The following SLC28A1 variants were observed in gnomAD, a reference collection of about 807,000 sequenced individuals.
The protein encoded by SLC28A1 is sodium/nucleoside cotransporter 1.
A neutral mutation model predicts 74.8 loss-of-function variants in SLC28A1; 64 were observed. That is an observed-to-expected ratio of 0.86 (90% CI 0.70 to 1.05). SLC28A1 has a LOEUF of 1.05. Among genes scored for constraint, SLC28A1 ranks in the 50% least tolerant of loss-of-function variants. SLC28A1 has a pLI of 0.00. For synonymous variants in SLC28A1, 359 were observed against 335.0 expected (o/e 1.07, Z -0.78); for missense variants, 828 against 822.8 (o/e 1.01, Z -0.08).
At position 84,921,007 on chromosome 15, in the gene SLC28A1, G is replaced by T; in HGVS notation, c.895G>T (p.Val299Phe). 6.2e-7 allele frequency: 1 copy of T among 1,614,014 alleles called. No homozygotes were observed. Among genetic ancestry groups the T allele is most frequent in the Non-Finnish European group, 8.5e-7 (1 of 1,179,896 alleles). The change falls in exon 11 of 19, where the codon GTC becomes TTC. Residue 299 changes from valine (V) to phenylalanine (F), a missense_variant. Val to Phe is a conservative substitution (Grantham distance 50). This residue lies in a region of SLC28A1 where 767 missense variants were observed against 753.5 expected (regional missense o/e 1.02). Coordinates refer to ENST00000394573, the MANE Select transcript of SLC28A1 (RefSeq NM_004213.5). ...VILKIAWLMQ[V>F]TMGTTATETL... ...CTTCTAGATTGCCTGGCTGATGCAA[G>T]TCACCATGGGCACCACAGCCACTGA...
chr15:84,944,828 G>T lies in SLC28A1; in HGVS notation c.1835G>T (p.Ser612Ile), dbSNP rs1266232776. The T allele has an allele frequency of 1.2e-6, 2 of 1,613,998 alleles. No individual in the cohort carries two copies. The highest frequency in any genetic ancestry group is 2.2e-5 in the East Asian group (1 of 44,898). Residue 612 changes from serine to isoleucine, a missense_variant, in exon 18 of 19, where the codon AGC becomes ATC. By Grantham distance (142) the Ser-to-Ile change is moderately radical. Coordinates refer to ENST00000394573, the MANE Select transcript of SLC28A1 (RefSeq NM_004213.5). ...SLLNTTLSSS[S>I]FEIYQCCREA... ...TTGAACACGACCCTCAGCAGCAGTA[G>T]CTTTGAGATTTACCAGTGCTGCCGT...
chr15:84,889,736 C>G (rs1440029212), intron 4 of SLC28A1, among the ~76,000 whole-genome samples: 1 of 81,634 alleles, frequency 1.2e-5, no homozygotes, highest in Non-Finnish European at 2.5e-5. Flanking sequence ...TTCCTTCCTT[C>G]CTTCCTTCCT....
the SLC28A1 span, among the ~76,000 whole-genome samples, chr15:84,959,571 C>T: frequency 1.6e-3 from 247 of 150,684 alleles, no homozygotes; most frequent in Middle Eastern, 3.4e-3. Context: ...TGTTTGCTTT[C>T]TGAAAATTGT....
At chr15:84,907,726 A>T (rs1162126023) in intron 8 of SLC28A1, among the ~76,000 whole-genome samples, 2 of 152,176 alleles carry the variant, frequency 1.3e-5, no homozygotes, top group East Asian at 3.8e-4. Flanking sequence ...CATAGGTTAA[A>T]TATGTTAATC....
At chr15:84,950,020 T>C (rs2079363636), downstream of SLC28A1, among the ~76,000 whole-genome samples, 1 of 152,080 alleles carries the variant, frequency 6.6e-6, no homozygotes, top group African/African-American at 2.4e-5. Flanking sequence ...AGATATGGAA[T>C]GGTGGAATGG....
rs113737064 is a variant in SLC28A1 at position 84,924,065 on chromosome 15, C to T, written c.1038C>T (p.Tyr346=). The change falls in exon 12 of 19, where the codon TAC becomes TAT. Residue 346 remains tyrosine (Y), a synonymous_variant. Coordinates refer to ENST00000394573, the MANE Select transcript of SLC28A1 (RefSeq NM_004213.5). ...SEVHVVMTGG[Y]ATIAGSLLGA... ...TCCACGTTGTCATGACCGGAGGTTA[C>T]GCCACCATTGCTGGCAGCCTGCTGG... 3.1e-6 allele frequency: 5 copies of T among 1,613,854 alleles called. No individual in the cohort carries two copies. Among genetic ancestry groups the T allele is most frequent in the Admixed American group, 3.3e-5 (2 of 59,994 alleles).
At chr15:84,930,965 G>A (rs184053157) in intron 12 of SLC28A1, among the ~76,000 whole-genome samples, 1 of 152,170 alleles carries the variant, frequency 6.6e-6, no homozygotes, top group Non-Finnish European at 1.5e-5. Context: ...AGAGATGGGG[G>A]TTTCACTAAG....
At chr15:84,960,419 G>A in the SLC28A1 span, among the ~76,000 whole-genome samples, 3 of 151,730 alleles carry the variant, frequency 2.0e-5, no homozygotes, top group Non-Finnish European at 4.4e-5. Context: ...CACCATGCCC[G>A]GCTAATTTTT....
chr15:84,971,918 A>G, the SLC28A1 span, among the ~76,000 whole-genome samples: 1 of 152,224 alleles, frequency 6.6e-6, no homozygotes, highest in Non-Finnish European at 1.5e-5. Context: ...AAGTGCTGGG[A>G]TTACAGGCAT....
At chr15:84,967,901 A>C in the SLC28A1 span, among the ~76,000 whole-genome samples, 1 of 152,180 alleles carries the variant, frequency 6.6e-6, no homozygotes, top group African/African-American at 2.4e-5. Context: ...GGTTAGGGAC[A>C]GACGCACTAG....
the SLC28A1 span, among the ~76,000 whole-genome samples, chr15:84,963,773 G>A: frequency 3.3e-5 from 5 of 152,320 alleles, no homozygotes; most frequent in East Asian, 3.9e-4. Flanking sequence ...TTCAGGCAAA[G>A]TGCCAGCTCC....
chr15:84,949,444 G>A (rs1258172599), downstream of SLC28A1, among the ~76,000 whole-genome samples: 1 of 151,972 alleles, frequency 6.6e-6, no homozygotes, highest in East Asian at 1.9e-4. Context: ...GTGCAGTAGT[G>A]CAAAAATCCT....
the SLC28A1 span, among the ~76,000 whole-genome samples, chr15:84,969,284 A>G: frequency 6.6e-6 from 1 of 152,192 alleles, no homozygotes; most frequent in East Asian, 1.9e-4. Flanking sequence ...CACCGAATTT[A>G]TACAAGTCAG....
Position 84,905,565 on chromosome 15 carries a change from A to G in SLC28A1, c.630A>G (p.Gly210=). 6 of 1,613,606 alleles carry G rather than the reference A, an allele frequency of 3.7e-6. No homozygotes were observed. The highest frequency in any genetic ancestry group is 5.1e-6 in the Non-Finnish European group (6 of 1,179,656). Residue 210 remains glycine, a synonymous_variant, in exon 8 of 19, where the codon GGA becomes GGG. Coordinates refer to ENST00000394573, the MANE Select transcript of SLC28A1 (RefSeq NM_004213.5). ...CAVSWRAVSW[G]LGLQFVLGLL... Reference sequence around the variant, plus strand: ...TGTCCTGGAGGGCCGTGTCTTGGGGACTTGGACTGCAGTTTGTACTTGGAC... The same window carrying G: ...TGTCCTGGAGGGCCGTGTCTTGGGGGCTTGGACTGCAGTTTGTACTTGGAC...
chr15:84,904,117 T>G lies in SLC28A1; in HGVS notation c.482T>G (p.Phe161Cys). 1 of 1,614,206 alleles carries G rather than the reference T, an allele frequency of 6.2e-7. No individual in the cohort carries two copies. The highest frequency in any genetic ancestry group is 8.5e-7 in the Non-Finnish European group (1 of 1,180,034). Residue 161 changes from phenylalanine to cysteine, a missense_variant, in exon 7 of 19, where the codon TTC becomes TGC. Coordinates refer to ENST00000394573, the MANE Select transcript of SLC28A1 (RefSeq NM_004213.5). Reference protein sequence around the residue: ...WFKRGLALAAFLGLVLWLSLD... With the variant: ...WFKRGLALAACLGLVLWLSLD... ...TGCAGGGGTCTAGCTCTTGCTGCTT[T>G]CCTGGGCCTGGTCCTGTGGCTGTCT... is the stretch of plus-strand genomic sequence containing the variant.
chr15:84,933,147 C>A lies in SLC28A1; in HGVS notation c.1086C>A (p.Ile362=). 6.2e-7 allele frequency: 1 copy of A among 1,613,184 alleles called. No homozygotes were observed. Among genetic ancestry groups the A allele is most frequent in the South Asian group, 1.1e-5 (1 of 90,928 alleles). ...AACCTGCACTCTCACTCTTGCAGAT[C>A]GATGCCACCTCGTTGATTGCAGCCT... ...SLLGAYISFG[I]DATSLIAASV... The change falls in exon 13 of 19, where the codon ATC becomes ATA. Residue 362 remains isoleucine, a splice_region_variant and synonymous_variant. Transcript: ENST00000394573.
chr15:84,886,869 G>A, intron 2 of SLC28A1, 82 bp downstream of exon 2: 2 of 724,414 alleles, frequency 2.8e-6, no homozygotes, highest in Non-Finnish European at 3.4e-6. Flanking sequence ...CTCTGCCTGT[G>A]TGTGTGCACG....
chr15:84,951,361 TG>T, the SLC28A1 span, among the ~76,000 whole-genome samples: 74 of 148,122 alleles, frequency 5.0e-4, no homozygotes, highest in Middle Eastern at 6.9e-3. Context: ...GCCTGGGAGG[TG>T]GAGGCTACAG....
the SLC28A1 span, among the ~76,000 whole-genome samples, chr15:84,955,151 C>G: frequency 1.9e-4 from 29 of 152,160 alleles, 1 homozygote; most frequent in South Asian, 2.1e-4. Flanking sequence ...GTGCCAGACA[C>G]GAGCGAAAAA....
Sources: gnomAD v4.1 joint callset for allele counts (sites outside exome capture counted in the v4.1 genomes callset) on GRCh38, gnomAD v4.1.1 for gene constraint, gnomAD v4.1.1 regional missense constraint, MANE v1.5 for transcripts, NCBI Gene and HGNC (gene_info 2026-07-23, HGNC 2026-07-21) for gene names.